INSIG1: variants seen among roughly 807,000 people sequenced by gnomAD.
INSIG1 encodes the protein insulin induced gene 1.
A neutral mutation model predicts 26.5 loss-of-function variants in INSIG1; 14 were observed. That is an observed-to-expected ratio of 0.53 (90% CI 0.35 to 0.83). The LOEUF is 0.83. Ranked by LOEUF, INSIG1 falls within the 40% of genes least tolerant of loss-of-function variation. The pLI is 0.01. For synonymous variants in INSIG1, 147 were observed against 153.3 expected (o/e 0.96, Z 0.30); for missense variants, 272 against 368.9 (o/e 0.74, Z 2.15).
Position 155,308,231 on chromosome 7 carries a change from C to A in INSIG1, c.805-10C>A. The A allele has an allele frequency of 7.2e-7, 1 of 1,390,664 alleles. No individual in the cohort carries two copies. Among genetic ancestry groups the A allele is most frequent in the Non-Finnish European group, 9.9e-7 (1 of 1,005,708 alleles). The allele number at this position is 1,390,664 out of a possible 1,614,324, so 86.1% of individuals were successfully genotyped here. On this transcript the variant is annotated splice_polypyrimidine_tract_variant and intron_variant, in intron 5 of 5. Coordinates refer to ENST00000340368, the MANE Select transcript of INSIG1 (RefSeq NM_005542.6). ...TTCTCTTTCCTTTTTTTTTTCCTTT[C>A]TACACATAGGGTGTTCCTGAAAAGC... is the stretch of plus-strand genomic sequence containing the variant.
At chr7:155,306,336 A>C (rs1797934840) in intron 5 of INSIG1, among the ~76,000 whole-genome samples, 1 of 152,208 alleles carries the variant, frequency 6.6e-6, no homozygotes, top group African/African-American at 2.4e-5. Flanking sequence ...GTCTGTAACC[A>C]TCATTTATAG....
At position 155,308,467 on chromosome 7, in the gene INSIG1, T is replaced by G; in HGVS notation, c.*197T>G. On this transcript the variant is annotated 3_prime_UTR_variant, in exon 6 of 6. Coordinates refer to ENST00000340368, the MANE Select transcript of INSIG1 (RefSeq NM_005542.6). ...GATGACTTACCCTGAAGTCTTCCCT[T>G]GACTGCCCGCACTGGCGCCTGTCTG... 1.5e-6 allele frequency: 1 copy of G among 686,446 alleles called. No homozygotes were observed. The highest frequency in any genetic ancestry group is 1.8e-5 in the African/African-American group (1 of 56,690). 42.5% of individuals were successfully genotyped at this position (686,446 alleles called of 1,614,324 possible). A position where few individuals can be genotyped will look rare whatever the true frequency, so the allele number is the denominator to read the frequency against.
intron 5 of INSIG1, chr7:155,303,934 C>A: frequency 8.9e-7 from 1 of 1,117,562 alleles, no homozygotes; most frequent in Non-Finnish European, 1.2e-6. Flanking sequence ...TGACTCTCTG[C>A]TGCCAAATTT....
intron 2 of INSIG1, among the ~76,000 whole-genome samples, chr7:155,300,065 A>G (rs1223278126): frequency 3.3e-5 from 5 of 152,202 alleles, no homozygotes; most frequent in Non-Finnish European, 5.9e-5. Flanking sequence ...TTTTCGAAAC[A>G]CTTTATGTGG....
At position 155,302,378 on chromosome 7, in the gene INSIG1, C is replaced by A; in HGVS notation, c.665C>A (p.Thr222Lys). ...GLGITIAFLATLITQFLVYNG... is the reference protein window; with the variant it reads ...GLGITIAFLAKLITQFLVYNG... ...GGGATCACCATAGCTTTTCTAGCTA[C>A]GCTGATCACGCAGTTTCTCGTGTAT... Residue 222 changes from threonine to lysine, a missense_variant, in exon 4 of 6, where the codon ACG becomes AAG. This residue lies in a region of INSIG1 where 111 missense variants were observed against 189.8 expected (regional missense o/e 0.58). Transcript: ENST00000340368. This position sits in a 1 kb window ranked among gnomAD's most constrained non-coding sequence, Gnocchi z 4.3. The A allele has an allele frequency of 6.2e-7, 1 of 1,609,132 alleles. No homozygotes were observed. Among genetic ancestry groups the A allele is most frequent in the Non-Finnish European group, 8.5e-7 (1 of 1,178,184 alleles).
In INSIG1 at chr7:155,302,374, G is replaced by C; in HGVS notation, c.661G>C (p.Ala221Pro). Reference sequence around the variant, plus strand: ...GCTGGGGATCACCATAGCTTTTCTAGCTACGCTGATCACGCAGTTTCTCGT... The same window carrying C: ...GCTGGGGATCACCATAGCTTTTCTACCTACGCTGATCACGCAGTTTCTCGT... ...LGLGITIAFLATLITQFLVYN... is the reference protein window; with the variant it reads ...LGLGITIAFLPTLITQFLVYN... The change falls in exon 4 of 6, where the codon GCT becomes CCT. Residue 221 changes from alanine to proline, a missense_variant. By Grantham distance (27) the Ala-to-Pro change is conservative. Around this residue, in one of 2 missense-constraint regions of INSIG1, gnomAD observed 111 missense variants for 189.8 expected, o/e 0.58. Coordinates refer to ENST00000340368, the MANE Select transcript of INSIG1 (RefSeq NM_005542.6). This position sits in a 1 kb window ranked among gnomAD's most constrained non-coding sequence, Gnocchi z 4.3. 1 of 1,609,946 alleles carries C rather than the reference G, an allele frequency of 6.2e-7. No homozygotes were observed. Among genetic ancestry groups the C allele is most frequent in the South Asian group, 1.1e-5 (1 of 90,220 alleles).
intron 5 of INSIG1, chr7:155,303,752 C>T (rs1320878289): frequency 1.9e-5 from 14 of 752,636 alleles, no homozygotes; most frequent in South Asian, 1.0e-4. Context: ...CTGTTGCTCT[C>T]GGAGATAAGC....
At chr7:155,304,767 C>T (rs1797889547) in intron 5 of INSIG1, among the ~76,000 whole-genome samples, 1 of 152,134 alleles carries the variant, frequency 6.6e-6, no homozygotes, top group Admixed American at 6.5e-5. Context: ...TATAATTCTC[C>T]TTACTTCAGC....
intron 5 of INSIG1, among the ~76,000 whole-genome samples, chr7:155,306,412 A>G (rs1797936216): frequency 6.6e-6 from 1 of 152,276 alleles, no homozygotes; most frequent in Non-Finnish European, 1.5e-5. Flanking sequence ...AACTGCCAAC[A>G]GCAATCAAGC....
intron 5 of INSIG1, among the ~76,000 whole-genome samples, chr7:155,307,496 T>C (rs1797968882): frequency 6.6e-6 from 1 of 152,230 alleles, no homozygotes; most frequent in South Asian, 2.1e-4. Context: ...TCATTTAATC[T>C]CTCTGGCTTT....
At chr7:155,299,589 A>C (rs180756411) in intron 2 of INSIG1, among the ~76,000 whole-genome samples, 1 of 152,182 alleles carries the variant, frequency 6.6e-6, no homozygotes, top group Non-Finnish European at 1.5e-5. Flanking sequence ...ACAAGCCCCT[A>C]TCCTTAAGCA....
Position 155,302,027 on chromosome 7 carries a change from G to A in INSIG1, c.538-224G>A, listed in dbSNP as rs1797803399. ...AGCTTTCAGCAAGTTTATTCTTATG[G>A]TTAAGTTTTTGACTCAGTGATGGCA... On this transcript the variant is annotated intron_variant, in intron 3 of 5. Coordinates refer to ENST00000340368, the MANE Select transcript of INSIG1 (RefSeq NM_005542.6). The surrounding 1 kb of genome is among the most constrained non-coding windows in gnomAD (Gnocchi z 4.3). Among the ~76,000 whole-genome samples the A allele has an allele frequency of 6.7e-6, 1 of 148,836 alleles. No homozygotes were observed. The highest frequency in any genetic ancestry group is 1.5e-5 in the Non-Finnish European group (1 of 67,476).
intron 5 of INSIG1, chr7:155,303,955 A>T: frequency 9.4e-6 from 7 of 742,768 alleles, no homozygotes; most frequent in Non-Finnish European, 1.2e-5. Context: ...CTCATGATGG[A>T]GAAGAAAGGA....
At position 155,301,588 on chromosome 7, in the gene INSIG1, C is replaced by T; in HGVS notation, c.435C>T (p.Pro145=). The T allele has an allele frequency of 1.2e-6, 2 of 1,610,056 alleles. No homozygotes were observed. The highest frequency in any genetic ancestry group is 1.1e-5 in the South Asian group (1 of 90,654). Residue 145 remains proline, a synonymous_variant, in exon 3 of 6, where the codon CCC becomes CCT. Transcript: ENST00000340368. ...TAAAVVGLLY[P]CIDSHLGEPH... Reference sequence around the variant, plus strand: ...CAGCTGTTGTTGGCCTACTGTACCCCTGTATCGACAGTCACCTCGGAGAAC... The same window carrying T: ...CAGCTGTTGTTGGCCTACTGTACCCTTGTATCGACAGTCACCTCGGAGAAC...
At chr7:155,298,739 C>T in intron 2 of INSIG1, 42 bp downstream of exon 2, 1 of 1,564,168 alleles carries the variant, frequency 6.4e-7, no homozygotes, top group South Asian at 1.1e-5. Flanking sequence ...AAAAGGGTGT[C>T]TTTTCGGTTG....
At chr7:155,305,399 G>C (rs1440459049) in intron 5 of INSIG1, among the ~76,000 whole-genome samples, 1 of 152,088 alleles carries the variant, frequency 6.6e-6, no homozygotes, top group African/African-American at 2.4e-5. Flanking sequence ...CCTCCCTCCT[G>C]CTGCATCCGT....
chr7:155,307,427 A>C (rs566298107), intron 5 of INSIG1, among the ~76,000 whole-genome samples: 1 of 152,318 alleles, frequency 6.6e-6, no homozygotes, highest in African/African-American at 2.4e-5. Context: ...GAGGGAAAAA[A>C]ATTCTGTATG....
rs1023325021 is a variant in INSIG1 at position 155,298,711 on chromosome 7, C to T, written c.412+14C>T. Reference sequence around the variant, plus strand: ...GGACAGCAGCTGGTGAGTACCCCTCCTGGTTCTTCTGGAAGTAAAAAGGGT... The same window carrying T: ...GGACAGCAGCTGGTGAGTACCCCTCTTGGTTCTTCTGGAAGTAAAAAGGGT... On this transcript the variant is annotated intron_variant, in intron 2 of 5. Coordinates refer to ENST00000340368, the MANE Select transcript of INSIG1 (RefSeq NM_005542.6). The T allele has an allele frequency of 6.3e-6, 10 of 1,599,782 alleles. No individual in the cohort carries two copies. Among genetic ancestry groups the T allele is most frequent in the African/African-American group, 4.0e-5 (3 of 74,674 alleles).
intron 5 of INSIG1, chr7:155,303,809 C>G (rs1316296747): frequency 7.4e-7 from 1 of 1,345,664 alleles, no homozygotes; most frequent in South Asian, 1.2e-5. Flanking sequence ...TAAAACAGTA[C>G]ATTTATTTTT....
Sources: gnomAD v4.1 joint callset for allele counts (sites outside exome capture counted in the v4.1 genomes callset) on GRCh38, gnomAD v4.1.1 for gene constraint, gnomAD v4.1.1 regional missense constraint, Gnocchi (gnomAD v3.1) non-coding constraint, MANE v1.5 for transcripts, NCBI Gene and HGNC (gene_info 2026-07-23, HGNC 2026-07-21) for gene names.